The following LDLRAD4 variants were observed in gnomAD, a reference collection of about 807,000 sequenced individuals.
The protein encoded by LDLRAD4 is low density lipoprotein receptor class A domain containing 4.
A neutral mutation model predicts 17.0 loss-of-function variants in LDLRAD4; 5 were observed. The ratio of observed to expected loss-of-function variants is 0.29; its 90% CI spans 0.15 to 0.62. The LOEUF (loss-of-function observed/expected upper bound fraction) is 0.62. LDLRAD4 is among the 20% of genes least tolerant of loss of function. The probability of loss-of-function intolerance (pLI) is 0.84; values close to 1 mark genes in which losing one functional copy is unlikely to be tolerated. For synonymous variants in LDLRAD4, 168 were observed against 171.8 expected (o/e 0.98, Z 0.17); for missense variants, 340 against 424.7 (o/e 0.80, Z 1.75).
chr18:13,440,851 C>T lies in LDLRAD4; in HGVS notation c.181+2467C>T, dbSNP rs2090978355. ...TGTCAGAGCCATTGTGTACACGGAG[C>T]AGGAATTCACGGGTGTCCACAAGTG... is the stretch of plus-strand genomic sequence containing the variant. On this transcript the variant is annotated intron_variant, in intron 3 of 5. Transcript: ENST00000359446. The surrounding 1 kb of genome is among the most constrained non-coding windows in gnomAD (Gnocchi z 4.4). Among the ~76,000 whole-genome samples the T allele has an allele frequency of 6.6e-6, 1 of 152,216 alleles. No homozygotes were observed. The highest frequency in any genetic ancestry group is 2.4e-5 in the African/African-American group (1 of 41,450).
At chr18:13,595,708 G>T (rs1210702863) in intron 3 of LDLRAD4, among the ~76,000 whole-genome samples, 1 of 151,976 alleles carries the variant, frequency 6.6e-6, no homozygotes, top group African/African-American at 2.4e-5. Context: ...GTCAATTTTT[G>T]AATTCCCCAT....
chr18:13,602,030 A>G (rs1460785432), intron 3 of LDLRAD4, among the ~76,000 whole-genome samples: 1 of 152,276 alleles, frequency 6.6e-6, no homozygotes, highest in Non-Finnish European at 1.5e-5. Flanking sequence ...GCCGGAGGCC[A>G]TTATTCTAAG....
intron 1 of LDLRAD4, among the ~76,000 whole-genome samples, chr18:13,245,983 A>C (rs528055949): frequency 1.3e-5 from 2 of 152,242 alleles, no homozygotes; most frequent in African/African-American, 4.8e-5. Flanking sequence ...AAAAGCCAGT[A>C]TCTGCCTGGA....
rs1434358079 is a variant in LDLRAD4 at position 13,238,728 on chromosome 18, C to T, written c.-467+19740C>T. 2.0e-5 allele frequency among the ~76,000 whole-genome samples: 3 copies of T among 152,206 alleles called. No individual in the cohort carries two copies. The East Asian group carries it at 5.8e-4, about 29-fold the overall frequency. On this transcript the variant is annotated intron_variant, in intron 1 of 5. Transcript: ENST00000399848. ...ACTCAATACCTGGGAGGGGCCTACA[C>T]ATAGGCAGCCTCTCCCGGGTGGTGA...
At chr18:13,226,014 C>T (rs2041765032) in intron 1 of LDLRAD4, among the ~76,000 whole-genome samples, 1 of 151,492 alleles carries the variant, frequency 6.6e-6, no homozygotes. Flanking sequence ...AAATTTATTA[C>T]ATAACTTGAT....
intron 3 of LDLRAD4, among the ~76,000 whole-genome samples, chr18:13,443,513 C>CT (rs2091171224): frequency 6.6e-6 from 1 of 152,166 alleles, no homozygotes; most frequent in Non-Finnish European, 1.5e-5. Flanking sequence ...ACCAAATGTC[C>CT]TTTTCGAGTT....
chr18:13,611,724 C>T, intron 3 of LDLRAD4: 3 of 985,414 alleles, frequency 3.0e-6, no homozygotes, highest in Non-Finnish European at 3.6e-6. Flanking sequence ...TGCTACCATA[C>T]ATGGGGAATA....
At chr18:13,308,629 A>T (rs2047052219) in intron 1 of LDLRAD4, among the ~76,000 whole-genome samples, 1 of 152,206 alleles carries the variant, frequency 6.6e-6, no homozygotes, top group Non-Finnish European at 1.5e-5. Context: ...ATCTAAACAT[A>T]GTTTGAATTT....
intron 3 of LDLRAD4, among the ~76,000 whole-genome samples, chr18:13,518,116 T>C (rs1568287921): frequency 6.6e-6 from 1 of 152,232 alleles, no homozygotes; most frequent in Non-Finnish European, 1.5e-5. Context: ...TCAGCAGTTC[T>C]GGAAAACTCG....
chr18:13,505,601 C>T (rs896902579), intron 3 of LDLRAD4, among the ~76,000 whole-genome samples: 12 of 152,126 alleles, frequency 7.9e-5, no homozygotes, highest in Non-Finnish European at 1.6e-4. Context: ...GGGCGGATCA[C>T]AAGGTCAGGA....
At chr18:13,508,437 T>C (rs1350155359) in intron 3 of LDLRAD4, among the ~76,000 whole-genome samples, 1 of 152,342 alleles carries the variant, frequency 6.6e-6, no homozygotes, top group African/African-American at 2.4e-5. Flanking sequence ...AGGGTTTTCA[T>C]AGCTGGAGAG....
At chr18:13,291,338 A>T (rs2045951728) in intron 1 of LDLRAD4, among the ~76,000 whole-genome samples, 1 of 152,244 alleles carries the variant, frequency 6.6e-6, no homozygotes, top group Non-Finnish European at 1.5e-5. Flanking sequence ...TTGGAAGCTC[A>T]TTCACTCATT....
At chr18:13,226,691 T>C (rs952001836) in intron 1 of LDLRAD4, among the ~76,000 whole-genome samples, 2 of 148,212 alleles carry the variant, frequency 1.3e-5, no homozygotes, top group Admixed American at 6.8e-5. Flanking sequence ...GGGTAAGACC[T>C]TTGTGCTTTT....
At chr18:13,383,093 A>G (rs1307049210) in intron 1 of LDLRAD4, among the ~76,000 whole-genome samples, 1 of 152,174 alleles carries the variant, frequency 6.6e-6, no homozygotes, top group African/African-American at 2.4e-5. Context: ...CAGGCTGAGG[A>G]GCAGCACCTC....
chr18:13,221,852 C>A (rs2041468226), intron 1 of LDLRAD4, among the ~76,000 whole-genome samples: 1 of 152,148 alleles, frequency 6.6e-6, no homozygotes, highest in African/African-American at 2.4e-5. Flanking sequence ...TTACAAAGAA[C>A]ATAGATATAA....
intron 1 of LDLRAD4, among the ~76,000 whole-genome samples, chr18:13,364,725 G>GT (rs1273302756): frequency 6.6e-5 from 10 of 152,302 alleles, no homozygotes; most frequent in Admixed American, 1.3e-4. Flanking sequence ...GACGCACTTT[G>GT]TTCTGTATTT....
At chr18:13,644,909 C>A in intron 5 of LDLRAD4, 1 of 551,500 alleles carries the variant, frequency 1.8e-6, no homozygotes, top group South Asian at 2.4e-5. Flanking sequence ...CTCCTGGATG[C>A]GCTGGGATTT....
chr18:13,271,743 A>G (rs1314963648), intron 1 of LDLRAD4, among the ~76,000 whole-genome samples: 2 of 152,156 alleles, frequency 1.3e-5, no homozygotes, highest in Non-Finnish European at 2.9e-5. Flanking sequence ...ACTTGAGCCA[A>G]GAGAGTGTTA....
At chr18:13,230,358 C>G (rs184435962) in intron 1 of LDLRAD4, among the ~76,000 whole-genome samples, 1 of 152,228 alleles carries the variant, frequency 6.6e-6, no homozygotes, top group East Asian at 1.9e-4. Flanking sequence ...AGCAAAAGAA[C>G]AGATTTTTTT....
Sources: allele counts gnomAD v4.1 joint callset (sites outside exome capture counted in the v4.1 genomes callset), GRCh38; gene constraint gnomAD v4.1.1; non-coding constraint Gnocchi (gnomAD v3.1); transcripts MANE v1.5; gene names NCBI Gene and HGNC (gene_info 2026-07-23, HGNC 2026-07-21).